The following SHISA9 variants were observed in gnomAD, a reference collection of about 807,000 sequenced individuals.
SHISA9 encodes the protein protein shisa-9.
A neutral mutation model predicts 38.0 loss-of-function variants in SHISA9; 13 were observed. The ratio of observed to expected loss-of-function variants is 0.34; its 90% CI spans 0.22 to 0.54. The LOEUF (loss-of-function observed/expected upper bound fraction) is 0.54. SHISA9 is among the 20% of genes least tolerant of loss of function. The probability of loss-of-function intolerance (pLI) is 0.91; values close to 1 mark genes in which losing one functional copy is unlikely to be tolerated. For synonymous variants in SHISA9, 275 were observed against 242.0 expected (o/e 1.14, Z -1.27); for missense variants, 538 against 575.8 (o/e 0.93, Z 0.67).
chr16:12,917,336 A>C (rs1483241036), intron 2 of SHISA9, among the ~76,000 whole-genome samples: 1 of 152,214 alleles, frequency 6.6e-6, no homozygotes, highest in Non-Finnish European at 1.5e-5. Context: ...AATAATCCAC[A>C]GAATATTCCG....
chr16:13,223,078 G>T (rs981661870), intron 4 of SHISA9, among the ~76,000 whole-genome samples: 1 of 152,100 alleles, frequency 6.6e-6, no homozygotes, highest in African/African-American at 2.4e-5. Context: ...AGATCCATCT[G>T]CTGTCAAAGT....
chr16:13,516,921 A>C, the SHISA9 span, among the ~76,000 whole-genome samples: 1,423 of 152,312 alleles, frequency 9.3e-3, 20 homozygotes, highest in African/African-American at 0.033. Flanking sequence ...TATAGTCAAT[A>C]AAACTGACCT....
At chr16:13,369,051 A>G in the SHISA9 span, among the ~76,000 whole-genome samples, 2 of 152,206 alleles carry the variant, frequency 1.3e-5, no homozygotes, top group Non-Finnish European at 2.9e-5. Flanking sequence ...ATATAATGGA[A>G]CATTAGACAA....
chr16:13,383,732 C>T, the SHISA9 span, among the ~76,000 whole-genome samples: 1 of 152,156 alleles, frequency 6.6e-6, no homozygotes, highest in Non-Finnish European at 1.5e-5. Flanking sequence ...CTCACTGCAA[C>T]CTCCACCTCC....
intron 1 of SHISA9, 25 bp downstream of exon 1, chr16:12,902,652 C>G (rs746171872): frequency 6.6e-7 from 1 of 1,517,930 alleles, no homozygotes; most frequent in Middle Eastern, 1.7e-4. Context: ...CTTCGCCCTC[C>G]CCTCGGGGCT....
chr16:13,212,643 T>C (rs1164067960), intron 3 of SHISA9, among the ~76,000 whole-genome samples: 1 of 152,196 alleles, frequency 6.6e-6, no homozygotes, highest in Non-Finnish European at 1.5e-5. Context: ...AGGGTGACTC[T>C]GTGGATAAAA....
the SHISA9 span, among the ~76,000 whole-genome samples, chr16:13,391,398 G>A: frequency 2.6e-5 from 4 of 152,174 alleles, no homozygotes; most frequent in African/African-American, 9.7e-5. Context: ...CTGAAAAAAG[G>A]CTAAAGAAAG....
At chr16:12,946,251 G>A (rs1273387765) in intron 2 of SHISA9, among the ~76,000 whole-genome samples, 1 of 152,180 alleles carries the variant, frequency 6.6e-6, no homozygotes, top group African/African-American at 2.4e-5. Context: ...TAGCCCTGTA[G>A]TATAGTTTGC....
chr16:13,092,922 A>G (rs1367824701), intron 2 of SHISA9, among the ~76,000 whole-genome samples: 1 of 152,234 alleles, frequency 6.6e-6, no homozygotes, highest in Non-Finnish European at 1.5e-5. Flanking sequence ...TGGGAGCTGC[A>G]GACCAGAGCT....
chr16:13,353,949 G>T, the SHISA9 span, among the ~76,000 whole-genome samples: 17 of 151,974 alleles, frequency 1.1e-4, no homozygotes, highest in African/African-American at 4.1e-4. Flanking sequence ...GAGGAATTAT[G>T]TCTGACAGAA....
chr16:13,198,226 A>G (rs946312711), intron 2 of SHISA9, among the ~76,000 whole-genome samples: 15 of 146,864 alleles, frequency 1.0e-4, no homozygotes, highest in Non-Finnish European at 2.1e-4. Context: ...ATACATATAT[A>G]CTTGTGTGTA....
At chr16:13,403,278 T>A in the SHISA9 span, among the ~76,000 whole-genome samples, 1 of 152,250 alleles carries the variant, frequency 6.6e-6, no homozygotes, top group African/African-American at 2.4e-5. Flanking sequence ...AGATCCCTGC[T>A]GCATGATCAG....
chr16:13,136,897 A>G (rs1182353736), intron 2 of SHISA9, among the ~76,000 whole-genome samples: 1 of 152,120 alleles, frequency 6.6e-6, no homozygotes, highest in Non-Finnish European at 1.5e-5. Flanking sequence ...TCTTAGATGC[A>G]AGCTCTTCTC....
the SHISA9 span, among the ~76,000 whole-genome samples, chr16:13,427,527 A>G: frequency 6.6e-6 from 1 of 152,244 alleles, no homozygotes; most frequent in Non-Finnish European, 1.5e-5. Context: ...AAAAAAGAAA[A>G]AAACAAAGCC....
chr16:13,533,898 C>G, the SHISA9 span, among the ~76,000 whole-genome samples: 1 of 151,824 alleles, frequency 6.6e-6, no homozygotes, highest in Non-Finnish European at 1.5e-5. Context: ...ATTCTCCTGC[C>G]TCAGCCTCCT....
chr16:13,045,472 G>A (rs1182381394), intron 2 of SHISA9, among the ~76,000 whole-genome samples: 3 of 152,118 alleles, frequency 2.0e-5, no homozygotes, highest in Non-Finnish European at 4.4e-5. Flanking sequence ...AGGTTCATGA[G>A]TAATGCAAGA....
chr16:13,061,800 A>C (rs1246715992), intron 2 of SHISA9, among the ~76,000 whole-genome samples: 3 of 152,202 alleles, frequency 2.0e-5, no homozygotes, highest in Non-Finnish European at 4.4e-5. Flanking sequence ...GAAACGGGAT[A>C]CGAAGTGATG....
the SHISA9 span, among the ~76,000 whole-genome samples, chr16:13,358,995 A>C: frequency 2.6e-5 from 4 of 152,188 alleles, no homozygotes; most frequent in East Asian, 7.7e-4. Flanking sequence ...AGAGGCATGA[A>C]GCCTAGAACT....
chr16:13,507,158 A>G, the SHISA9 span, among the ~76,000 whole-genome samples: 6 of 152,068 alleles, frequency 3.9e-5, no homozygotes, highest in African/African-American at 1.2e-4. Flanking sequence ...CTTTTGTTCT[A>G]TAGGGTAGAT....
Sources: allele counts gnomAD v4.1 joint callset (sites outside exome capture counted in the v4.1 genomes callset), GRCh38; gene constraint gnomAD v4.1.1; transcripts MANE v1.5; gene names NCBI Gene and HGNC (gene_info 2026-07-23, HGNC 2026-07-21).